Variants in CA10 observed in about 807,000 individuals in gnomAD.
CA10 encodes carbonic anhydrase-related protein 10.
In CA10, 14 loss-of-function variants were observed where a neutral mutation model predicts 44.2. The ratio of observed to expected loss-of-function variants is 0.32; its 90% CI spans 0.21 to 0.50. The LOEUF (loss-of-function observed/expected upper bound fraction) is 0.50, where lower values mean the gene tolerates loss of function less well. Ranked by LOEUF, CA10 falls within the 20% of genes least tolerant of loss-of-function variation. CA10 has a pLI of 0.99. For synonymous variants in CA10, 159 were observed against 141.6 expected, an observed-to-expected ratio of 1.12 and a Z score of -0.87; for missense variants, 350 against 409.7, an observed-to-expected ratio of 0.85 and a Z score of 1.26.
At chr17:52,038,517 G>A (rs1986680285) in intron 2 of CA10, among the ~76,000 whole-genome samples, 1 of 152,070 alleles carries the variant, frequency 6.6e-6, no homozygotes, top group South Asian at 2.1e-4. Context: ...AAACACTAAA[G>A]CAAGATGTAA....
In CA10 at chr17:51,831,704, A is replaced by AGCGGCG. The variant is rs1567854617; in HGVS notation, c.280-83887_280-83886insCGCCGC. ...CAGCAGCAGCAGCAGCAGCAGCAGC[A>AGCGGCG]GCAGCAGCAGCAGCAGCAGCAGCAG... On this transcript the variant is annotated intron_variant, in intron 3 of 8. Transcript: ENST00000451037. 2.4e-4 allele frequency among the ~76,000 whole-genome samples: 36 copies of AGCGGCG among 148,756 alleles called. 1 individual carries two copies. Among genetic ancestry groups the AGCGGCG allele is most frequent in the African/African-American group, 6.9e-4 (28 of 40,396 alleles).
chr17:51,715,739 G>A (rs1199108528), intron 4 of CA10, among the ~76,000 whole-genome samples: 1 of 151,896 alleles, frequency 6.6e-6, no homozygotes. Flanking sequence ...TACCCAGGCT[G>A]GAGTACACTG....
At chr17:52,068,237 G>T (rs1356731016) in intron 2 of CA10, among the ~76,000 whole-genome samples, 1 of 152,174 alleles carries the variant, frequency 6.6e-6, no homozygotes, top group Non-Finnish European at 1.5e-5. Flanking sequence ...TTCTTACAAG[G>T]TCTGATGGTT....
intron 8 of CA10, among the ~76,000 whole-genome samples, chr17:51,632,854 A>C (rs1196323014): frequency 1.3e-5 from 2 of 152,232 alleles, no homozygotes; most frequent in Admixed American, 1.3e-4. Flanking sequence ...ACAGAGTTAC[A>C]GGAGGCAGAT....
rs541529416 is a variant in CA10 at position 51,639,077 on chromosome 17, C to T, written c.635-3068G>A. On this transcript the variant is annotated intron_variant, in intron 6 of 8. Coordinates refer to ENST00000451037, the MANE Select transcript of CA10 (RefSeq NM_020178.5). ...GTTTGGACTTCATCCGGAGGCAATG[C>T]GGAACCACCGAAGGGATTGAAGCCA... 2.5e-4 allele frequency among the ~76,000 whole-genome samples: 38 copies of T among 152,200 alleles called. 1 individual carries two copies. The highest frequency in any genetic ancestry group is 9.2e-4 in the African/African-American group (38 of 41,518).
chr17:52,103,349 C>T (rs1210342781), intron 1 of CA10, among the ~76,000 whole-genome samples: 1 of 152,218 alleles, frequency 6.6e-6, no homozygotes, highest in African/African-American at 2.4e-5. Context: ...GTCACTCTCC[C>T]AGTCGTCCAC....
Position 52,138,868 on chromosome 17 carries a change from G to A in CA10, c.61+18858C>T, listed in dbSNP as rs112155147. Among the ~76,000 whole-genome samples, 25 of 152,242 alleles carry A rather than the reference G, an allele frequency of 1.6e-4. 1 individual carries two copies. Among genetic ancestry groups the A allele is most frequent in the East Asian group, 9.6e-4 (5 of 5,182 alleles). ...TTTTCTGCTTATAGTAGTCCTGAAG[G>A]TTTCATTATTTATAACTAAGGAACC... On this transcript the variant is annotated intron_variant, in intron 1 of 8. Coordinates refer to ENST00000451037, the MANE Select transcript of CA10 (RefSeq NM_020178.5).
chr17:52,107,924 G>A (rs1027235165), intron 1 of CA10, among the ~76,000 whole-genome samples: 1 of 151,914 alleles, frequency 6.6e-6, no homozygotes, highest in African/African-American at 2.4e-5. Flanking sequence ...TCTACTATGA[G>A]AAAAAGCAGA....
rs187250674 is a variant in CA10, at chr17:51,682,832, C to T, written c.466-29096G>A. On this transcript the variant is annotated intron_variant, in intron 4 of 8. Transcript: ENST00000451037. The stretch of plus-strand genomic sequence containing the variant: ...GGAAACCTGACGTTGATGAAGGGCT[C>T]CTCTGTAGCAGGCACAGTGGCGGGT... Among the ~76,000 whole-genome samples the T allele has an allele frequency of 3.9e-5, 6 of 152,302 alleles. No individual in the cohort carries two copies. The East Asian group carries it at 1.2e-3, about 29-fold the overall frequency.
intron 3 of CA10, among the ~76,000 whole-genome samples, chr17:51,869,635 T>A (rs1436513680): frequency 1.3e-5 from 2 of 152,116 alleles, no homozygotes; most frequent in Non-Finnish European, 2.9e-5. Flanking sequence ...TTAGGCTGGG[T>A]ATAGTGGCTC....
intron 2 of CA10, among the ~76,000 whole-genome samples, chr17:51,984,880 AC>A (rs2144093517): frequency 6.6e-6 from 1 of 152,080 alleles, no homozygotes; most frequent in East Asian, 1.9e-4. Flanking sequence ...AAAATTACCA[AC>A]AAAAAGTCCA....
intron 1 of CA10, among the ~76,000 whole-genome samples, chr17:52,101,266 T>A (rs1402395950): frequency 6.6e-6 from 1 of 152,218 alleles, no homozygotes; most frequent in Non-Finnish European, 1.5e-5. Flanking sequence ...TACATCCTTT[T>A]ATTCATGAGC....
chr17:51,747,645 G>A lies in CA10; in HGVS notation c.453C>T (p.Ala151=), dbSNP rs748674705. ...QGSEHLLNGQ[A]FSGEVQLIHY... ...CAGACTAACATACCTCCCCAGAGAA[G>A]GCCTGTCCATTGAGGAGGTGCTCCG... is the stretch of plus-strand genomic sequence containing the variant. The change falls in exon 4 of 9, where the codon GCC becomes GCT. Residue 151 remains alanine, a synonymous_variant. Coordinates refer to ENST00000451037, the MANE Select transcript of CA10 (RefSeq NM_020178.5). 2.1e-5 allele frequency: 34 copies of A among 1,612,302 alleles called. No individual in the cohort carries two copies. The African/African-American group carries it at 4.1e-4, about 20-fold the overall frequency.
intron 3 of CA10, among the ~76,000 whole-genome samples, chr17:51,930,495 A>C (rs1982609155): frequency 6.6e-6 from 1 of 152,174 alleles, no homozygotes; most frequent in Non-Finnish European, 1.5e-5. Flanking sequence ...AGGAGCTAGG[A>C]TTCTTAGCAA....
At chr17:51,782,545 A>T (rs946835541) in intron 3 of CA10, among the ~76,000 whole-genome samples, 1 of 152,218 alleles carries the variant, frequency 6.6e-6, no homozygotes, top group African/African-American at 2.4e-5. Flanking sequence ...GAAAAGGCCA[A>T]GCTTGCTTCT....
chr17:52,111,047 C>A (rs1988779402), intron 1 of CA10, among the ~76,000 whole-genome samples: 1 of 152,176 alleles, frequency 6.6e-6, no homozygotes, highest in African/African-American at 2.4e-5. Context: ...ATCTAAATTG[C>A]ATAGACTGTG....
intron 3 of CA10, among the ~76,000 whole-genome samples, chr17:51,848,430 T>C (rs1978595311): frequency 6.6e-6 from 1 of 152,228 alleles, no homozygotes; most frequent in Non-Finnish European, 1.5e-5. Context: ...TGATATTAAC[T>C]ATCTGTTGAC....
Position 51,653,855 on chromosome 17 carries a change from CAATTTT to C in CA10, c.466-125_466-120del, listed in dbSNP as rs1913674649. 6.0e-6 allele frequency: 4 copies of C among 662,512 alleles called. No individual in the cohort carries two copies. In the Admixed American group the frequency reaches 9.3e-5, roughly 15 times the overall value. The allele number at this position is 662,512 out of a possible 1,614,324, so 41.0% of individuals were successfully genotyped here. ...GTATATTGAGGAACAATTTGGAAGA[CAATTTT>C]AATTGAAGGGATTTCAGAGGGATGT... On this transcript the variant is annotated intron_variant, in intron 4 of 8. Transcript: ENST00000451037.
chr17:51,842,599 A>T (rs1978334540), intron 3 of CA10, among the ~76,000 whole-genome samples: 1 of 152,202 alleles, frequency 6.6e-6, no homozygotes, highest in African/African-American at 2.4e-5. Context: ...ACTTGTTGGA[A>T]ACATATCCTT....
Sources: gnomAD v4.1 joint callset for allele counts (sites outside exome capture counted in the v4.1 genomes callset) on GRCh38, gnomAD v4.1.1 for gene constraint, MANE v1.5 for transcripts, NCBI Gene and HGNC (gene_info 2026-07-23, HGNC 2026-07-21) for gene names.